Variants in ATP11C observed in about 807,000 individuals in gnomAD.
ATP11C encodes ATPase phospholipid transporting 11C (ATP11C blood group), also known as phospholipid-transporting ATPase IG.
ATP11C carries 36 observed loss-of-function variants against 97.4 expected under a neutral mutation model. The ratio of observed to expected loss-of-function variants is 0.37; its 90% confidence interval spans 0.28 to 0.49. The LOEUF is 0.49. Among genes scored for constraint, ATP11C ranks in the 20% least tolerant of loss-of-function variants. ATP11C has a pLI of 0.98. For missense variants in ATP11C, 730 were observed against 824.6 expected, an observed-to-expected ratio of 0.89 and a Z score of 1.40; for synonymous variants, 275 against 290.9, an observed-to-expected ratio of 0.95 and a Z score of 0.56.
chrX:139,894,963 G>C (rs1313686214), intron 1 of ATP11C, among the ~76,000 whole-genome samples: 1 of 111,687 alleles, frequency 9.0e-6, no homozygotes, highest in Admixed American at 9.5e-5. Flanking sequence ...GGCTAAGGCA[G>C]GATAATCACT....
At chrX:139,835,141 G>C (rs946892300) in intron 1 of ATP11C, among the ~76,000 whole-genome samples, 6 of 112,002 alleles carry the variant, frequency 5.4e-5, no homozygotes, top group Non-Finnish European at 1.1e-4. Context: ...TATGAGGTGA[G>C]ATCAGTGTTG....
intron 1 of ATP11C, among the ~76,000 whole-genome samples, chrX:139,834,319 G>C (rs916466821): frequency 8.1e-5 from 9 of 111,381 alleles, no homozygotes; most frequent in African/African-American, 2.6e-4. Context: ...TAGTATTTTG[G>C]AACTGTTGAT....
intron 18 of ATP11C, among the ~76,000 whole-genome samples, chrX:139,780,040 C>T (rs904545626): frequency 9.0e-6 from 1 of 110,953 alleles, no homozygotes; most frequent in African/African-American, 3.3e-5. Context: ...AGCTATGAAA[C>T]TGAATCAGTA....
At chrX:139,877,673 A>T (rs1408888587) in intron 1 of ATP11C, among the ~76,000 whole-genome samples, 1 of 112,389 alleles carries the variant, frequency 8.9e-6, no homozygotes, top group Non-Finnish European at 1.9e-5. Context: ...GCTTTGCAAA[A>T]GTCCACTGTT....
intron 23 of ATP11C, among the ~76,000 whole-genome samples, chrX:139,757,579 C>G (rs188924100): frequency 1.1e-3 from 121 of 111,684 alleles, no homozygotes; most frequent in Non-Finnish European, 1.8e-3. Context: ...ATTCAAAATA[C>G]TCTTTTTAAT....
intron 1 of ATP11C, among the ~76,000 whole-genome samples, chrX:139,906,899 A>G (rs1488649140): frequency 9.0e-6 from 1 of 111,557 alleles, no homozygotes; most frequent in Non-Finnish European, 1.9e-5. Context: ...CTACTTTCTG[A>G]TGGGGTCTGA....
At chrX:139,909,250 G>T (rs2085031197) in intron 1 of ATP11C, among the ~76,000 whole-genome samples, 1 of 111,036 alleles carries the variant, frequency 9.0e-6, no homozygotes, top group African/African-American at 3.3e-5. Context: ...TCCTACCTCA[G>T]CCTCCCGAGT....
At chrX:139,813,733 T>C (rs2083225401) in intron 5 of ATP11C, among the ~76,000 whole-genome samples, 1 of 111,307 alleles carries the variant, frequency 9.0e-6, no homozygotes. Context: ...AGCAGAAAGA[T>C]CGCTGGTTAC....
At position 139,726,586 on chromosome X, in the gene ATP11C, C is replaced by T. The variant is rs192606596; in HGVS notation, c.*2380G>A. ...ATATACTGCATGTTATTAAAAAATT[C>T]CATCACTAAATTATTACGAATTTTG... On this transcript the variant is annotated 3_prime_UTR_variant, in exon 30 of 30. Coordinates refer to ENST00000682941, the MANE Select transcript of ATP11C (RefSeq NM_001353812.2). The T allele has an allele frequency of 3.2e-3, 358 of 112,399 alleles. 2 individuals carry two copies. The highest frequency in any genetic ancestry group is 4.7e-3 in the Non-Finnish European group (252 of 53,168). The allele number at this position is 112,399 out of a possible 1,213,427, so 9.3% of individuals were successfully genotyped here. A position where few individuals can be genotyped will look rare whatever the true frequency, so the allele number is the denominator to read the frequency against.
chrX:139,828,390 G>A (rs913154569), intron 1 of ATP11C, among the ~76,000 whole-genome samples: 1 of 111,675 alleles, frequency 9.0e-6, no homozygotes, highest in Non-Finnish European at 1.9e-5. Flanking sequence ...ACAGCTTACT[G>A]ATAAGAGCAC....
At chrX:139,807,954 A>AAC (rs1569465315) in intron 5 of ATP11C, among the ~76,000 whole-genome samples, 1 of 70,037 alleles carries the variant, frequency 1.4e-5, no homozygotes, top group African/African-American at 1.3e-4. Context: ...CCTGTCTCTT[A>AAC]AAAAAAAAAA....
intron 16 of ATP11C, 66 bp from the exon 17 acceptor site, chrX:139,783,333 T>C (rs974107650): frequency 4.9e-6 from 4 of 818,840 alleles, no homozygotes; most frequent in Non-Finnish European, 7.2e-6. Context: ...TTAGTAAGAG[T>C]AACTTTTAAA....
intron 1 of ATP11C, among the ~76,000 whole-genome samples, chrX:139,931,077 A>C (rs1294347613): frequency 8.9e-6 from 1 of 111,861 alleles, no homozygotes; most frequent in Non-Finnish European, 1.9e-5. Flanking sequence ...TATTCCCGCC[A>C]CCACCTCTTG....
chrX:139,807,893 A>G (rs1206543911), intron 5 of ATP11C, among the ~76,000 whole-genome samples: 7 of 108,883 alleles, frequency 6.4e-5, no homozygotes, highest in South Asian at 4.0e-4. Flanking sequence ...TCAAGGCTGC[A>G]GTAAGCTATG....
intron 1 of ATP11C, among the ~76,000 whole-genome samples, chrX:139,839,627 G>C (rs2083798339): frequency 9.0e-6 from 1 of 111,401 alleles, no homozygotes; most frequent in South Asian, 3.8e-4. Context: ...CAAGAATGAT[G>C]GCTGCACAGT....
rs1205410141 is a variant in ATP11C at position 139,726,874 on chromosome X, C to T, written c.*2092G>A. 2 of 111,399 alleles carry T rather than the reference C, an allele frequency of 1.8e-5. No homozygotes were observed. Among genetic ancestry groups the T allele is most frequent in the Non-Finnish European group, 3.8e-5 (2 of 52,979 alleles). The allele number at this position is 111,399 out of a possible 1,213,427, so 9.2% of individuals were successfully genotyped here. A position where few individuals can be genotyped will look rare whatever the true frequency, so the allele number is the denominator to read the frequency against. On this transcript the variant is annotated 3_prime_UTR_variant, in exon 30 of 30. Transcript: ENST00000682941. ...ATTTCAAGTTATTCGATCTGCTAAC[C>T]CCACACTGGCCAGTTTTTAGCTCTT... is the stretch of plus-strand genomic sequence containing the variant.
chrX:139,768,652 C>T (rs1431440811), intron 19 of ATP11C, among the ~76,000 whole-genome samples: 2 of 110,824 alleles, frequency 1.8e-5, no homozygotes, highest in Non-Finnish European at 3.8e-5. Flanking sequence ...TAATAGATGA[C>T]TACAAGTTCT....
At chrX:139,925,085 G>C (rs1243831000) in intron 1 of ATP11C, among the ~76,000 whole-genome samples, 2 of 111,518 alleles carry the variant, frequency 1.8e-5, no homozygotes, top group African/African-American at 6.5e-5. Flanking sequence ...TGAAGAAACT[G>C]AAGTTCAAAA....
At chrX:139,905,236 G>A (rs995753822) in intron 1 of ATP11C, among the ~76,000 whole-genome samples, 2 of 112,188 alleles carry the variant, frequency 1.8e-5, no homozygotes, top group Admixed American at 9.5e-5. Context: ...GGGAAAAGAC[G>A]GGGCTTACAA....
Sources: gnomAD v4.1 joint callset for allele counts (sites outside exome capture counted in the v4.1 genomes callset) on GRCh38, gnomAD v4.1.1 for gene constraint, MANE v1.5 for transcripts, NCBI Gene and HGNC (gene_info 2026-07-23, HGNC 2026-07-21) for gene names.